The following PRKCH variants were observed in gnomAD, a reference collection of about 807,000 sequenced individuals.
PRKCH encodes protein kinase C eta.
In PRKCH, 28 loss-of-function variants were observed where a neutral mutation model predicts 82.5. That is an observed-to-expected ratio of 0.34 (90% CI 0.25 to 0.47). The LOEUF is 0.47. Ranked by LOEUF, PRKCH falls within the 20% of genes least tolerant of loss-of-function variation. The pLI, the probability that PRKCH is intolerant of heterozygous loss-of-function variation, is 1.00. For synonymous variants in PRKCH, 322 were observed against 327.4 expected (o/e 0.98, Z 0.18); for missense variants, 705 against 881.8 (o/e 0.80, Z 2.54).
intron 2 of PRKCH, among the ~76,000 whole-genome samples, chr14:61,416,053 CTTTTTTTTTT>C (rs71117815): frequency 4.2e-5 from 4 of 94,186 alleles, no homozygotes; most frequent in Non-Finnish European, 5.8e-5. Context: ...CTTTTCTTTT[CTTTTTTTTTT>C]TTTTTTTTTT....
chr14:61,300,544 T>C (rs144623545), intron 1 of PRKCH, among the ~76,000 whole-genome samples: 1 of 152,296 alleles, frequency 6.6e-6, no homozygotes, highest in Non-Finnish European at 1.5e-5. Context: ...GGGAGATGTA[T>C]ACTGGGAGAC....
intron 9 of PRKCH, among the ~76,000 whole-genome samples, chr14:61,481,978 T>C (rs889298503): frequency 6.7e-6 from 1 of 149,426 alleles, no homozygotes; most frequent in Admixed American, 6.7e-5. Flanking sequence ...GTGTGGGTCT[T>C]CTTTCCTTTT....
intron 9 of PRKCH, among the ~76,000 whole-genome samples, chr14:61,467,728 G>A (rs1885322784): frequency 6.6e-6 from 1 of 152,238 alleles, no homozygotes; most frequent in Admixed American, 6.5e-5. Flanking sequence ...CTTTGCAGGA[G>A]GGGATGAGCG....
At chr14:61,519,223 A>G (rs996062799) in intron 10 of PRKCH, among the ~76,000 whole-genome samples, 3 of 152,120 alleles carry the variant, frequency 2.0e-5, no homozygotes, top group Non-Finnish European at 4.4e-5. Flanking sequence ...TCGTGGCTGC[A>G]GTGAGCTATG....
At chr14:61,273,389 T>A (rs1405564362) in intron 1 of PRKCH, among the ~76,000 whole-genome samples, 1 of 152,244 alleles carries the variant, frequency 6.6e-6, no homozygotes, top group Non-Finnish European at 1.5e-5. Flanking sequence ...CAAATACTAC[T>A]TCTGTTTAAA....
At chr14:61,483,989 C>G (rs955865963) in intron 9 of PRKCH, among the ~76,000 whole-genome samples, 1 of 152,192 alleles carries the variant, frequency 6.6e-6, no homozygotes, top group Admixed American at 6.5e-5. Flanking sequence ...TGCAGTGAGC[C>G]AAGATCGTGC....
intron 1 of PRKCH, among the ~76,000 whole-genome samples, chr14:61,188,417 C>CGGCTCT (rs1339717708): frequency 1.3e-5 from 2 of 150,612 alleles, no homozygotes; most frequent in African/African-American, 2.5e-5. Flanking sequence ...GTTCTGGCTC[C>CGGCTCT]GGCTCTGGCT....
intron 9 of PRKCH, among the ~76,000 whole-genome samples, chr14:61,468,738 T>C (rs1885371622): frequency 6.6e-6 from 1 of 152,228 alleles, no homozygotes; most frequent in African/African-American, 2.4e-5. Flanking sequence ...GCCATCATTA[T>C]CACTGACAAC....
intron 1 of PRKCH, among the ~76,000 whole-genome samples, chr14:61,349,418 T>TAA (rs2046041241): frequency 6.6e-6 from 1 of 152,224 alleles, no homozygotes; most frequent in Admixed American, 6.5e-5. Flanking sequence ...AGAGATTAGA[T>TAA]AATTTCTAGG....
intron 7 of PRKCH, among the ~76,000 whole-genome samples, chr14:61,454,883 T>C (rs190908309): frequency 5.3e-5 from 8 of 152,266 alleles, no homozygotes. Context: ...AGGAAAATTA[T>C]CGACTCAACT....
intron 11 of PRKCH, 98 bp from the exon 12 acceptor site, chr14:61,530,309 C>A: frequency 2.3e-6 from 3 of 1,303,406 alleles, no homozygotes; most frequent in East Asian, 2.6e-5. Flanking sequence ...TTTAAAAAAA[C>A]TTTGATATTT....
chr14:61,227,376 G>A lies in PRKCH; in HGVS notation c.-19+39708G>A, dbSNP rs186096985. On this transcript the variant is annotated intron_variant, in intron 1 of 3. Transcript: ENST00000555185. ...TTGGGAGGCCAAGGCAGGGGATCAC[G>A]AGGTCAGGAGATCGGGACCATCCTG... Among the ~76,000 whole-genome samples, 556 of 152,292 alleles carry A rather than the reference G, an allele frequency of 3.7e-3. 7 individuals are homozygous for A. The highest frequency in any genetic ancestry group is 0.013 in the African/African-American group (533 of 41,568).
At position 61,485,486 on chromosome 14, in the gene PRKCH, T is replaced by C. The variant is rs1056891854; in HGVS notation, c.1279-16T>C. The C allele has an allele frequency of 1.2e-6, 2 of 1,612,722 alleles. No homozygotes were observed. The highest frequency in any genetic ancestry group is 1.1e-5 in the South Asian group (1 of 90,930). On this transcript the variant is annotated splice_polypyrimidine_tract_variant and intron_variant, in intron 9 of 13. Transcript: ENST00000332981. ...TTGCTACACCACATTGGGCCCTCTC[T>C]TGTGTTTGTATCCAGGATCGTCTGT...
chr14:61,350,994 C>G, intron 1 of PRKCH, among the ~76,000 whole-genome samples: 1 of 152,126 alleles, frequency 6.6e-6, no homozygotes, highest in Admixed American at 6.5e-5. Flanking sequence ...TTATGGCATC[C>G]TTTTGATGAA....
chr14:61,421,486 G>A (rs1407909287), intron 2 of PRKCH, among the ~76,000 whole-genome samples: 1 of 152,130 alleles, frequency 6.6e-6, no homozygotes, highest in African/African-American at 2.4e-5. Flanking sequence ...TAATATTGCA[G>A]CCCCGTAGGA....
At chr14:61,470,121 G>A (rs1885432321) in intron 9 of PRKCH, among the ~76,000 whole-genome samples, 1 of 151,410 alleles carries the variant, frequency 6.6e-6, no homozygotes, top group African/African-American at 2.4e-5. Flanking sequence ...GTCTGAAGCT[G>A]CATTTGCATA....
intron 9 of PRKCH, among the ~76,000 whole-genome samples, chr14:61,458,315 C>T (rs2140296934): frequency 6.6e-6 from 1 of 152,298 alleles, no homozygotes; most frequent in South Asian, 2.1e-4. Context: ...GAGTTTGGTT[C>T]ATTAGTACAA....
intron 1 of PRKCH, among the ~76,000 whole-genome samples, chr14:61,240,049 T>A (rs1168702541): frequency 6.6e-6 from 1 of 152,228 alleles, no homozygotes; most frequent in Admixed American, 6.5e-5. Flanking sequence ...CACTGGAGGT[T>A]TTGCCATTAG....
At chr14:61,458,078 G>T (rs551089970) in intron 9 of PRKCH, among the ~76,000 whole-genome samples, 114 of 152,330 alleles carry the variant, frequency 7.5e-4, no homozygotes, top group Middle Eastern at 6.8e-3. Flanking sequence ...TCTGACCTGG[G>T]CACAGGAGTT....
Sources: gnomAD v4.1 joint callset for allele counts (sites outside exome capture counted in the v4.1 genomes callset) on GRCh38, gnomAD v4.1.1 for gene constraint, MANE v1.5 for transcripts, NCBI Gene and HGNC (gene_info 2026-07-23, HGNC 2026-07-21) for gene names.